ASIC2: variants seen among roughly 807,000 people sequenced by gnomAD.
The protein encoded by ASIC2 is acid sensing ion channel subunit 2.
A neutral mutation model predicts 57.3 loss-of-function variants in ASIC2; 25 were observed. The observed-to-expected ratio is 0.44, with a 90% CI of 0.32 to 0.61. ASIC2 has a LOEUF of 0.61. Ranked by LOEUF, ASIC2 falls within the 20% of genes least tolerant of loss-of-function variation. The pLI is 0.06. For missense variants in ASIC2, 641 were observed against 738.1 expected (o/e 0.87, Z 1.52); for synonymous variants, 319 against 307.5 (o/e 1.04, Z -0.39).
intron 1 of ASIC2, among the ~76,000 whole-genome samples, chr17:33,637,387 T>G (rs550545077): frequency 2.6e-5 from 4 of 152,054 alleles, no homozygotes; most frequent in Admixed American, 6.6e-5. Context: ...CCCTACCTTA[T>G]GTCCACATAC....
rs991426679 is a variant in ASIC2 at position 33,086,515 on chromosome 17, G to A, written c.987+2348C>T. On this transcript the variant is annotated intron_variant, in intron 3 of 9. Transcript: ENST00000225823. ...TTCCTGGTTCTTTGAAGGGATGTGG[G>A]TTTACTCATACAACAGAAGGGAGTG... Among the ~76,000 whole-genome samples the A allele has an allele frequency of 2.6e-5, 4 of 152,246 alleles. No homozygotes were observed. The East Asian group carries it at 7.7e-4, about 29-fold the overall frequency.
At position 33,929,705 on chromosome 17, in the gene ASIC2, C is replaced by T. The variant is rs550751790; in HGVS notation, c.555+226273G>A. On this transcript the variant is annotated intron_variant, in intron 1 of 9. Transcript: ENST00000359872. ...TGCCCTGACTCTGGCCTTCCTGTCTCCTATTAATTCATTGTGAATCCATCT... is the reference window on the plus strand; with the variant it reads ...TGCCCTGACTCTGGCCTTCCTGTCTTCTATTAATTCATTGTGAATCCATCT... Among the ~76,000 whole-genome samples the T allele has an allele frequency of 3.3e-5, 5 of 152,296 alleles. No homozygotes were observed. The South Asian group carries it at 1.0e-3, about 32-fold the overall frequency.
At chr17:33,522,625 C>T (rs1271902523) in intron 1 of ASIC2, among the ~76,000 whole-genome samples, 5 of 152,226 alleles carry the variant, frequency 3.3e-5, no homozygotes, top group African/African-American at 1.2e-4. Context: ...AAGAGTCCCT[C>T]ACAGGACTCA....
At chr17:33,019,735 C>A (rs2091827006) in intron 7 of ASIC2, among the ~76,000 whole-genome samples, 1 of 152,090 alleles carries the variant, frequency 6.6e-6, no homozygotes, top group Admixed American at 6.5e-5. Context: ...TGAACAAACT[C>A]ATCCTCATAT....
intron 2 of ASIC2, among the ~76,000 whole-genome samples, chr17:33,100,607 C>T (rs2092208374): frequency 6.6e-6 from 1 of 152,192 alleles, no homozygotes; most frequent in East Asian, 1.9e-4. Flanking sequence ...GCTTGGCACT[C>T]CTTGGACACT....
intron 1 of ASIC2, among the ~76,000 whole-genome samples, chr17:34,111,711 T>C (rs1290188212): frequency 6.6e-6 from 1 of 152,226 alleles, no homozygotes; most frequent in Non-Finnish European, 1.5e-5. Flanking sequence ...CAATCCCGTT[T>C]CTTCTCCTAC....
At chr17:33,770,497 C>T (rs914923623) in intron 1 of ASIC2, among the ~76,000 whole-genome samples, 4 of 152,326 alleles carry the variant, frequency 2.6e-5, no homozygotes, top group African/African-American at 9.6e-5. Flanking sequence ...CAGTAAGGTA[C>T]AGGCCCTGGT....
intron 1 of ASIC2, chr17:33,565,980 G>A (rs1335624204): frequency 6.6e-6 from 1 of 152,216 alleles, no homozygotes; most frequent in Non-Finnish European, 1.5e-5. Flanking sequence ...GTGAACTCAG[G>A]AGTTTTCTTA....
At chr17:34,021,844 T>G (rs1205165407) in intron 1 of ASIC2, among the ~76,000 whole-genome samples, 5 of 147,122 alleles carry the variant, frequency 3.4e-5, no homozygotes, top group South Asian at 2.2e-4. Flanking sequence ...TTTGTTTTTT[T>G]TTTTTTTTTT....
chr17:33,066,184 G>T (rs2092042753), intron 3 of ASIC2, among the ~76,000 whole-genome samples: 1 of 152,172 alleles, frequency 6.6e-6, no homozygotes, highest in Middle Eastern at 3.2e-3. Context: ...CATTGCTCAG[G>T]GGCAGTGAAG....
At chr17:33,866,181 G>A (rs1469188419) in intron 1 of ASIC2, among the ~76,000 whole-genome samples, 1 of 152,046 alleles carries the variant, frequency 6.6e-6, no homozygotes, top group East Asian at 1.9e-4. Flanking sequence ...ACAGTTTTGA[G>A]CCATTACAAA....
intron 1 of ASIC2, among the ~76,000 whole-genome samples, chr17:34,149,026 C>T (rs1010594824): frequency 2.0e-5 from 3 of 152,024 alleles, no homozygotes; most frequent in Admixed American, 1.3e-4. Flanking sequence ...TCCCAAAATG[C>T]TAAAATAATA....
intron 1 of ASIC2, among the ~76,000 whole-genome samples, chr17:33,492,532 G>A (rs1234823915): frequency 6.6e-6 from 1 of 152,200 alleles, no homozygotes; most frequent in African/African-American, 2.4e-5. Context: ...ATCACACTCT[G>A]AATCTTTGGT....
chr17:33,479,607 G>A (rs184058181), intron 1 of ASIC2, among the ~76,000 whole-genome samples: 1 of 152,288 alleles, frequency 6.6e-6, no homozygotes, highest in African/African-American at 2.4e-5. Context: ...GGCCTTCTGG[G>A]GTGCTTCCCA....
intron 1 of ASIC2, among the ~76,000 whole-genome samples, chr17:33,210,995 G>T (rs1228982250): frequency 6.6e-6 from 1 of 152,180 alleles, no homozygotes; most frequent in African/African-American, 2.4e-5. Context: ...AGCAAGGCAG[G>T]ATGAAAGAAA....
At chr17:33,551,659 C>A (rs899989989) in intron 1 of ASIC2, among the ~76,000 whole-genome samples, 1 of 152,182 alleles carries the variant, frequency 6.6e-6, no homozygotes, top group Non-Finnish European at 1.5e-5. Flanking sequence ...ACCCCCAGCT[C>A]TCTCCAAAAA....
chr17:33,841,702 A>T (rs751954167), intron 1 of ASIC2, among the ~76,000 whole-genome samples: 5 of 152,244 alleles, frequency 3.3e-5, no homozygotes, highest in Non-Finnish European at 5.9e-5. Context: ...AGAGGGAGGC[A>T]TCAGTCAGTC....
chr17:33,850,690 C>T lies in ASIC2; in HGVS notation c.555+305288G>A, dbSNP rs565692870. Among the ~76,000 whole-genome samples, 18 of 152,290 alleles carry T rather than the reference C, an allele frequency of 1.2e-4. No homozygotes were observed. The South Asian group carries it at 2.9e-3, about 25-fold the overall frequency. On this transcript the variant is annotated intron_variant, in intron 1 of 9. Transcript: ENST00000359872. ...ATATTTTCTGCAGGTAAAATCGTTG[C>T]TTGCTACTTCTGATGACAGAATGGA...
intron 1 of ASIC2, among the ~76,000 whole-genome samples, chr17:33,433,955 C>T (rs1237673581): frequency 6.6e-6 from 1 of 151,360 alleles, no homozygotes; most frequent in Non-Finnish European, 1.5e-5. Context: ...CACAGAGAAA[C>T]AATAGGTAAG....
Sources: gnomAD v4.1 joint callset for allele counts (sites outside exome capture counted in the v4.1 genomes callset) on GRCh38, gnomAD v4.1.1 for gene constraint, MANE v1.5 for transcripts, NCBI Gene and HGNC (gene_info 2026-07-23, HGNC 2026-07-21) for gene names.